The following TLN2 variants were observed in gnomAD, a reference collection of about 807,000 sequenced individuals.
The protein encoded by TLN2 is talin-2.
In TLN2, 118 loss-of-function variants were observed where a neutral mutation model predicts 294.7. The ratio of observed to expected loss-of-function variants is 0.40; its 90% confidence interval spans 0.34 to 0.47. The LOEUF (loss-of-function observed/expected upper bound fraction) is 0.47, where lower values mean the gene tolerates loss of function less well. TLN2 is among the 20% of genes least tolerant of loss of function. TLN2 has a pLI of 0.84. For synonymous variants in TLN2, 1,431 were observed against 1,304.5 expected, an observed-to-expected ratio of 1.10 and a Z score of -2.09; for missense variants, 3,083 against 3,282.2, an observed-to-expected ratio of 0.94 and a Z score of 1.48.
At chr15:62,493,004 A>T (rs1432024814) in intron 1 of TLN2, among the ~76,000 whole-genome samples, 1 of 152,150 alleles carries the variant, frequency 6.6e-6, no homozygotes, top group Non-Finnish European at 1.5e-5. Context: ...TAGGGGTGGA[A>T]ATATTGGAGG....
chr15:62,673,310 C>CTTTTTTTTTGTTTTTTTTTTT (rs2055688257), intron 9 of TLN2, among the ~76,000 whole-genome samples: 1 of 42,856 alleles, frequency 2.3e-5, no homozygotes, highest in Non-Finnish European at 4.3e-5. Flanking sequence ...TTAGATGTTG[C>CTTTTTTTTTGTTTTTTTTTTT]TTTTTTTTTT....
At chr15:62,714,189 G>GTTTTTTTTTTTTTTTTTTTTTTT (rs5813163) in intron 22 of TLN2, among the ~76,000 whole-genome samples, 1 of 96,392 alleles carries the variant, frequency 1.0e-5, no homozygotes, top group African/African-American at 3.8e-5. Context: ...CAATGTGCAC[G>GTTTTTTTTTTTTTTTTTTTTTTT]TTTTTTTTTT....
At chr15:62,650,431 G>A (rs1044648303) in intron 5 of TLN2, among the ~76,000 whole-genome samples, 1 of 152,150 alleles carries the variant, frequency 6.6e-6, no homozygotes, top group African/African-American at 2.4e-5. Flanking sequence ...GTTGGATTTG[G>A]TAATTGTGAG....
intron 1 of TLN2, among the ~76,000 whole-genome samples, chr15:62,403,357 C>G (rs1370395839): frequency 6.6e-6 from 1 of 152,178 alleles, no homozygotes. Context: ...TCACTGACAC[C>G]ATTTCCTGCT....
At chr15:62,510,780 G>C (rs553648285) in intron 1 of TLN2, among the ~76,000 whole-genome samples, 1 of 152,326 alleles carries the variant, frequency 6.6e-6, no homozygotes, top group East Asian at 1.9e-4. Context: ...CCAGGTCCTT[G>C]GAATGACTCT....
In TLN2 at chr15:62,484,139, G is replaced by C. The variant is rs114003564; in HGVS notation, c.-238+93454G>C. On this transcript the variant is annotated intron_variant, in intron 1 of 58. Transcript: ENST00000636159. Reference sequence around the variant, plus strand: ...GCGGCTCTGGTGATTTGTAGGATCAGAGGAAGGACAAAAGCTGGGTCAGGG... The same window carrying C: ...GCGGCTCTGGTGATTTGTAGGATCACAGGAAGGACAAAAGCTGGGTCAGGG... Among the ~76,000 whole-genome samples the C allele has an allele frequency of 5.5e-3, 842 of 152,274 alleles. 13 individuals carry two copies. Among genetic ancestry groups the C allele is most frequent in the African/African-American group, 0.018 (760 of 41,540 alleles).
intron 3 of TLN2, among the ~76,000 whole-genome samples, chr15:62,624,831 C>T (rs1001973774): frequency 2.0e-5 from 3 of 152,144 alleles, no homozygotes; most frequent in African/African-American, 4.8e-5. Context: ...GGTAACACCA[C>T]GTCAATGTGA....
chr15:62,697,130 C>G (rs946521062), intron 14 of TLN2, among the ~76,000 whole-genome samples: 18 of 152,222 alleles, frequency 1.2e-4, no homozygotes, highest in Non-Finnish European at 2.5e-4. Flanking sequence ...CTTCTTGAGA[C>G]AGAGTCTCAC....
chr15:62,466,757 G>A (rs1029678919), intron 1 of TLN2, among the ~76,000 whole-genome samples: 4 of 152,204 alleles, frequency 2.6e-5, no homozygotes, highest in African/African-American at 7.2e-5. Flanking sequence ...GTATTAAACC[G>A]CCTTGTGTTT....
intron 43 of TLN2, among the ~76,000 whole-genome samples, chr15:62,778,992 C>T (rs2141073700): frequency 6.6e-6 from 1 of 152,346 alleles, no homozygotes; most frequent in East Asian, 1.9e-4. Flanking sequence ...CTGGCATAGT[C>T]TCTCAGAATT....
intron 25 of TLN2, among the ~76,000 whole-genome samples, chr15:62,720,105 T>A (rs4775532): frequency 0.87 from 131,836 of 152,284 alleles, 57,961 homozygotes; most frequent in East Asian, 0.96. Context: ...ATGGCATATG[T>A]TCCGTTTTCC....
chr15:62,722,556 G>A (rs958684107), intron 26 of TLN2, 69 bp downstream of exon 26: 1 of 1,522,440 alleles, frequency 6.6e-7, no homozygotes, highest in African/African-American at 1.4e-5. Flanking sequence ...TACCACCCAG[G>A]GCCTGAACAC....
chr15:62,646,841 C>T (rs1409659930), intron 3 of TLN2, among the ~76,000 whole-genome samples: 1 of 152,142 alleles, frequency 6.6e-6, no homozygotes, highest in Non-Finnish European at 1.5e-5. Context: ...TTCTCTGTCC[C>T]CAGGTGCTGA....
intron 1 of TLN2, among the ~76,000 whole-genome samples, chr15:62,561,685 T>C (rs2042972042): frequency 6.6e-6 from 1 of 151,898 alleles, no homozygotes; most frequent in African/African-American, 2.4e-5. Flanking sequence ...CCGCAAAAGG[T>C]GTATCATCCC....
At chr15:62,823,714 T>C (rs548872995) in intron 54 of TLN2, among the ~76,000 whole-genome samples, 1 of 152,286 alleles carries the variant, frequency 6.6e-6, no homozygotes, top group African/African-American at 2.4e-5. Flanking sequence ...TAAGCATCAC[T>C]TTTTGCCTGG....
At chr15:62,595,651 G>C (rs1206720641) in intron 2 of TLN2, among the ~76,000 whole-genome samples, 2 of 152,138 alleles carry the variant, frequency 1.3e-5, no homozygotes, top group East Asian at 3.9e-4. Context: ...CTGGGATATG[G>C]AATCAACATA....
chr15:62,401,881 A>G (rs573083993), intron 1 of TLN2, among the ~76,000 whole-genome samples: 3 of 152,270 alleles, frequency 2.0e-5, no homozygotes, highest in Admixed American at 6.5e-5. Flanking sequence ...GACAAGGAGG[A>G]TATTTGGCAA....
intron 50 of TLN2, among the ~76,000 whole-genome samples, chr15:62,802,602 T>G (rs923326643): frequency 2.6e-5 from 4 of 152,222 alleles, no homozygotes; most frequent in African/African-American, 9.6e-5. Flanking sequence ...AGGAGTAGGA[T>G]TGCTGGATCA....
intron 58 of TLN2, among the ~76,000 whole-genome samples, chr15:62,839,672 A>G (rs541603930): frequency 1.5e-4 from 23 of 152,346 alleles, no homozygotes; most frequent in African/African-American, 4.3e-4. Context: ...TATCCGCATC[A>G]GGAGCACTGA....
Sources: allele counts gnomAD v4.1 joint callset (sites outside exome capture counted in the v4.1 genomes callset), GRCh38; gene constraint gnomAD v4.1.1; transcripts MANE v1.5; gene names NCBI Gene and HGNC (gene_info 2026-07-23, HGNC 2026-07-21).